The following NDUFA9 variants were observed in gnomAD, a reference collection of about 807,000 sequenced individuals.
NDUFA9 encodes the protein NADH:ubiquinone oxidoreductase subunit A9, also known as NADH dehydrogenase [ubiquinone] 1 alpha subcomplex subunit 9, mitochondrial.
Under a neutral mutation model 45.9 loss-of-function variants are expected in NDUFA9, and 23 were observed. The ratio of observed to expected loss-of-function variants is 0.50; its 90% CI spans 0.36 to 0.71. The LOEUF is 0.71. Ranked by LOEUF, NDUFA9 falls within the 30% of genes least tolerant of loss-of-function variation. The pLI is 0.00. For missense variants in NDUFA9, 466 were observed against 488.2 expected (o/e 0.95, Z 0.43); for synonymous variants, 176 against 170.5 (o/e 1.03, Z -0.25).
chr12:4,666,106 C>A (rs1450218335), intron 6 of NDUFA9, among the ~76,000 whole-genome samples: 1 of 152,194 alleles, frequency 6.6e-6, no homozygotes, highest in Non-Finnish European at 1.5e-5. Context: ...CGCCTGGCAA[C>A]AATGTGGTTT....
intron 1 of NDUFA9, among the ~76,000 whole-genome samples, chr12:4,652,949 T>A (rs969816168): frequency 2.6e-5 from 4 of 152,252 alleles, no homozygotes; most frequent in Admixed American, 2.6e-4. Flanking sequence ...CACCTGAAAG[T>A]CATCCCTAGA....
chr12:4,662,015 TATCTTCATCGAA>T (rs1469362940), intron 5 of NDUFA9, among the ~76,000 whole-genome samples: 2 of 152,214 alleles, frequency 1.3e-5, no homozygotes, highest in African/African-American at 4.8e-5. Flanking sequence ...TAGGTGCTGA[TATCTTCATCGAA>T]CAAGAAGACT....
intron 8 of NDUFA9, among the ~76,000 whole-genome samples, chr12:4,680,968 T>A (rs1222503903): frequency 6.6e-6 from 1 of 152,202 alleles, no homozygotes; most frequent in Non-Finnish European, 1.5e-5. Context: ...AGTCCCATTA[T>A]ATGTAAGGAT....
Position 4,682,209 on chromosome 12 carries a change from A to G in NDUFA9, c.805A>G (p.Ser269Gly). The G allele has an allele frequency of 6.2e-7, 1 of 1,609,140 alleles. No individual in the cohort carries two copies. Among genetic ancestry groups the G allele is most frequent in the Admixed American group, 1.7e-5 (1 of 59,752 alleles). Residue 269 changes from serine (S) to glycine (G), a missense_variant, in exon 9 of 11, where the codon AGT becomes GGT. By Grantham distance (56) the Ser-to-Gly change is moderately conservative. Coordinates refer to ENST00000266544, the MANE Select transcript of NDUFA9 (RefSeq NM_005002.5). The part of the protein sequence containing the change: ...NGKSFAFVGP[S>G]RYLLFHLVKY... ...CTGTGTATTGTCTTTTTATAGTCCCAGTCGGTACCTCCTTTTCCACCTGGT... is the reference window on the plus strand; with the variant it reads ...CTGTGTATTGTCTTTTTATAGTCCCGGTCGGTACCTCCTTTTCCACCTGGT...
chr12:4,690,578 AC>A lies in NDUFA9; in HGVS notation c.*3472del, dbSNP rs1313976630. 6.6e-6 allele frequency: 1 copy of A among 152,126 alleles called. No individual in the cohort carries two copies. The highest frequency in any genetic ancestry group is 1.5e-5 in the Non-Finnish European group (1 of 68,094). 9.4% of individuals were successfully genotyped at this position (152,126 alleles called of 1,614,324 possible). On this transcript the variant is annotated 3_prime_UTR_variant, in exon 11 of 11. Coordinates refer to ENST00000266544, the MANE Select transcript of NDUFA9 (RefSeq NM_005002.5). ...AAATCAGCCAGGCATGGTGGGGCCC[AC>A]CTGTATATAGTCCCAGCCCAGGAGG...
At chr12:4,665,103 CTAAGACAAGAT>C (rs1171233269) in intron 6 of NDUFA9, among the ~76,000 whole-genome samples, 1 of 152,122 alleles carries the variant, frequency 6.6e-6, no homozygotes, top group East Asian at 1.9e-4. Flanking sequence ...AGTCTTGAGA[CTAAGACAAGAT>C]TAAGACCCTT....
At chr12:4,679,282 A>T (rs1415490502) in intron 8 of NDUFA9, among the ~76,000 whole-genome samples, 2 of 152,318 alleles carry the variant, frequency 1.3e-5, no homozygotes, top group East Asian at 3.9e-4. Context: ...GGAGGATCTT[A>T]CTAGAGTAAG....
In NDUFA9 at chr12:4,654,935, A is replaced by G. The variant is rs950760906; in HGVS notation, c.318+13A>G. The stretch of plus-strand genomic sequence containing the variant: ...GCTTCTGTTTCTGGTAAGGGCCTTT[A>G]TGACTGAATGAAGTTGACAAATATA... On this transcript the variant is annotated intron_variant, in intron 3 of 10. Transcript: ENST00000266544. 3.1e-6 allele frequency: 5 copies of G among 1,593,062 alleles called. No homozygotes were observed. In the Admixed American group the frequency reaches 6.8e-5, roughly 22 times the overall value.
chr12:4,669,962 C>T lies in NDUFA9; in HGVS notation c.800+145C>T, dbSNP rs78705685. On this transcript the variant is annotated intron_variant, in intron 8 of 10. Coordinates refer to ENST00000266544, the MANE Select transcript of NDUFA9 (RefSeq NM_005002.5). Reference sequence around the variant, plus strand: ...TGCATTAAATCAGAATTTGAGGGAACCTGGAATCTACTTTAATGAATGATT... The same window carrying T: ...TGCATTAAATCAGAATTTGAGGGAATCTGGAATCTACTTTAATGAATGATT... The T allele has an allele frequency of 0.094, 61,156 of 648,954 alleles. 3,376 individuals are homozygous for T. Among genetic ancestry groups the T allele is most frequent in the South Asian group, 0.11 (5,963 of 54,366 alleles). The allele number at this position is 648,954 out of a possible 1,614,324, so 40.2% of individuals were successfully genotyped here.
chr12:4,658,283 A>G (rs1241177071), intron 4 of NDUFA9, among the ~76,000 whole-genome samples: 1 of 152,212 alleles, frequency 6.6e-6, no homozygotes, highest in African/African-American at 2.4e-5. Flanking sequence ...ATTAACAAAT[A>G]ATGTTTCAAT....
chr12:4,680,622 A>G (rs1209998380), intron 8 of NDUFA9, among the ~76,000 whole-genome samples: 1 of 152,216 alleles, frequency 6.6e-6, no homozygotes, highest in Admixed American at 6.5e-5. Context: ...TAAAAATTCA[A>G]GTTGCTCTTG....
intron 6 of NDUFA9, among the ~76,000 whole-genome samples, chr12:4,664,421 T>C (rs1265176189): frequency 6.6e-6 from 1 of 152,238 alleles, no homozygotes; most frequent in African/African-American, 2.4e-5. Flanking sequence ...TATTTGGCTG[T>C]GAATTTGAGC....
chr12:4,664,338 G>A (rs1452686168), intron 6 of NDUFA9, among the ~76,000 whole-genome samples: 3 of 152,212 alleles, frequency 2.0e-5, no homozygotes, highest in African/African-American at 7.2e-5. Context: ...GTCACCACCA[G>A]TTTGAACTAG....
At chr12:4,672,981 A>G (rs548089119) in intron 8 of NDUFA9, among the ~76,000 whole-genome samples, 1 of 152,252 alleles carries the variant, frequency 6.6e-6, no homozygotes, top group African/African-American at 2.4e-5. Flanking sequence ...TACAAGGGAG[A>G]TCTGGTTGGC....
chr12:4,666,922 A>G (rs1945856344), intron 6 of NDUFA9, among the ~76,000 whole-genome samples: 1 of 152,214 alleles, frequency 6.6e-6, no homozygotes, highest in Admixed American at 6.5e-5. Flanking sequence ...ATAAAAAGCC[A>G]TTGGGATTTT....
Position 4,659,132 on chromosome 12 carries a change from T to A in NDUFA9, c.507T>A (p.His169Gln). Reference protein sequence around the residue: ...AGVEKFIHVSHLNANIKSSSR... With the variant: ...AGVEKFIHVSQLNANIKSSSR... ...TTGAAAAATTCATTCATGTTTCACA[T>A]CTGAATGCGAATATTAAAAGCTCTT... Residue 169 changes from histidine to glutamine, a missense_variant, in exon 5 of 11, where the codon CAT (histidine) becomes CAA (glutamine). Physicochemically the swap from His to Gln is conservative, Grantham distance 24. Coordinates refer to ENST00000266544, the MANE Select transcript of NDUFA9 (RefSeq NM_005002.5). The A allele has an allele frequency of 6.2e-7, 1 of 1,610,346 alleles. No homozygotes were observed. Among genetic ancestry groups the A allele is most frequent in the Non-Finnish European group, 8.5e-7 (1 of 1,176,602 alleles).
intron 8 of NDUFA9, 149 bp downstream of exon 8, chr12:4,669,966 G>T (rs1013430545): frequency 7.8e-6 from 5 of 642,132 alleles, no homozygotes; most frequent in Non-Finnish European, 1.4e-5. Flanking sequence ...AGGGAACCTG[G>T]AATCTACTTT....
rs992622362 is a variant in NDUFA9 at position 4,691,079 on chromosome 12, T to C, written c.*3971T>C. The C allele has an allele frequency of 3.3e-5, 5 of 152,200 alleles. No individual in the cohort carries two copies. The highest frequency in any genetic ancestry group is 1.2e-4 in the African/African-American group (5 of 41,440). The allele number at this position is 152,200 out of a possible 1,614,324, so 9.4% of individuals were successfully genotyped here. On this transcript the variant is annotated 3_prime_UTR_variant, in exon 11 of 11. Transcript: ENST00000266544. Reference sequence around the variant, plus strand: ...TTCCATACAGATTTGGCTTCGAATATGAGTTCCACTACTTCTTAGTTGTGA... The same window carrying C: ...TTCCATACAGATTTGGCTTCGAATACGAGTTCCACTACTTCTTAGTTGTGA...
rs7311644 is a variant in NDUFA9, at chr12:4,689,884, A to G, written c.*2776A>G. 0.91 allele frequency: 144,752 copies of G among 158,234 alleles called. 66,450 individuals are homozygous for G. Among genetic ancestry groups the G allele is most frequent in the Middle Eastern group, 0.98 (311 of 316 alleles). 9.8% of individuals were successfully genotyped at this position (158,234 alleles called of 1,614,324 possible). Reference sequence around the variant, plus strand: ...TTCCCAGTAGGGGCGGCCGGGCAGAAGCGCCCCCCACCTCCCGGACTGGTC... The same window carrying G: ...TTCCCAGTAGGGGCGGCCGGGCAGAGGCGCCCCCCACCTCCCGGACTGGTC... On this transcript the variant is annotated 3_prime_UTR_variant, in exon 11 of 11. Transcript: ENST00000266544.
Sources: allele counts gnomAD v4.1 joint callset (sites outside exome capture counted in the v4.1 genomes callset), GRCh38; gene constraint gnomAD v4.1.1; transcripts MANE v1.5; gene names NCBI Gene and HGNC (gene_info 2026-07-23, HGNC 2026-07-21).